Variants in CACNA1G observed in about 807,000 individuals in gnomAD.
The protein encoded by CACNA1G is voltage-dependent T-type calcium channel subunit alpha-1G.
Under a neutral mutation model 219.4 loss-of-function variants are expected in CACNA1G, and 67 were observed. The observed-to-expected ratio is 0.31, with a 90% CI of 0.25 to 0.37. The LOEUF (loss-of-function observed/expected upper bound fraction) is 0.37. Ranked by LOEUF, CACNA1G falls within the 10% of genes least tolerant of loss-of-function variation. CACNA1G has a pLI of 1.00. For synonymous variants in CACNA1G, 1,296 were observed against 1,345.3 expected, an observed-to-expected ratio of 0.96 and a Z score of 0.80; for missense variants, 2,380 against 3,231.4, an observed-to-expected ratio of 0.74 and a Z score of 6.39.
At chr17:50,611,504 A>G (rs936523310) in intron 26 of CACNA1G, among the ~76,000 whole-genome samples, 6 of 152,118 alleles carry the variant, frequency 3.9e-5, no homozygotes, top group African/African-American at 1.4e-4. Context: ...CTATGGCCCC[A>G]TGATGCTAAG....
At position 50,600,732 on chromosome 17, in the gene CACNA1G, G is replaced by A; in HGVS notation, c.3697G>A (p.Gly1233Arg). Residue 1233 changes from glycine (G) to arginine (R), a missense_variant, in exon 18 of 38, where the codon GGG (glycine) becomes AGG (arginine). By Grantham distance (125) the Gly-to-Arg change is moderately radical (BLOSUM62 -2). Coordinates refer to ENST00000359106, the MANE Select transcript of CACNA1G (RefSeq NM_018896.5). This position sits in a 1 kb window ranked among gnomAD's most constrained non-coding sequence, Gnocchi z 4.1. ...TCCAGTGTTTGTTCTGCAGAGCAAA[G>A]GGGAACGGGTCCGCGCGTGGATCCG... ...DADDEGNLSKGERVRAWIRAR... is the reference protein window; with the variant it reads ...DADDEGNLSKRERVRAWIRAR... The A allele has an allele frequency of 6.2e-7, 1 of 1,613,768 alleles. No individual in the cohort carries two copies. Among genetic ancestry groups the A allele is most frequent in the Non-Finnish European group, 8.5e-7 (1 of 1,179,756 alleles).
Position 50,621,791 on chromosome 17 carries a change from C to A in CACNA1G, c.6057C>A (p.Ser2019Arg). The part of the protein sequence containing the change: ...MHTLLLSALE[S>R]NMQPHPTELP... The stretch of plus-strand genomic sequence containing the variant: ...CACTCTTACTTAGTGCCCTGGAGAG[C>A]AATGTACATACACACTGCCCTCACT... Residue 2019 changes from serine to arginine, a missense_variant, in exon 35 of 38, where the codon AGC becomes AGA. Transcript: ENST00000359106. This position sits in a 1 kb window ranked among gnomAD's most constrained non-coding sequence, Gnocchi z 4.6. 1 of 1,613,726 alleles carries A rather than the reference C, an allele frequency of 6.2e-7. No homozygotes were observed. The highest frequency in any genetic ancestry group is 8.5e-7 in the Non-Finnish European group (1 of 1,179,870).
In CACNA1G at chr17:50,603,313, TGTCTGTG is replaced by T; in HGVS notation, c.4169+115_4169+121del. 1.1e-6 allele frequency: 1 copy of T among 884,694 alleles called. No homozygotes were observed. Among genetic ancestry groups the T allele is most frequent in the South Asian group, 1.7e-5 (1 of 60,392 alleles). 54.8% of individuals were successfully genotyped at this position (884,694 alleles called of 1,614,324 possible). On this transcript the variant is annotated intron_variant, in intron 21 of 37. Coordinates refer to ENST00000359106, the MANE Select transcript of CACNA1G (RefSeq NM_018896.5). The surrounding 1 kb of genome is among the most constrained non-coding windows in gnomAD (Gnocchi z 6.4). ...CAAAAGCCTGCACAGGCCAGCATCC[TGTCTGTG>T]ACCCCCACAGGCGATCCTGTCCCCG...
intron 16 of CACNA1G, among the ~76,000 whole-genome samples, chr17:50,598,087 G>T (rs954570720): frequency 6.6e-6 from 1 of 152,014 alleles, no homozygotes; most frequent in Non-Finnish European, 1.5e-5. Flanking sequence ...GCAGTGGCAC[G>T]ATCTCAACTC....
chr17:50,624,955 C>CTTTTTTTTTTTTTTTTTTTTTTTT (rs3986415), intron 37 of CACNA1G, among the ~76,000 whole-genome samples: 1 of 117,546 alleles, frequency 8.5e-6, no homozygotes. Flanking sequence ...AGCCCAGATT[C>CTTTTTTTTTTTTTTTTTTTTTTTT]TTTTTTTTTT....
At chr17:50,584,784 T>G (rs1598290915) in intron 9 of CACNA1G, among the ~76,000 whole-genome samples, 2 of 149,352 alleles carry the variant, frequency 1.3e-5, no homozygotes, top group East Asian at 2.0e-4. Flanking sequence ...AGGTGGGGAG[T>G]AGGGCTGGGG....
rs745698816 is a variant in CACNA1G, at chr17:50,576,039, C to T, written c.1637C>T (p.Pro546Leu). ...PPSTPALSGA[P>L]PGGAESVHSF... ...TCGACGCCTGCCCTCTCCGGGGCCC[C>T]CCCTGGTGGCGCAGAGTCTGTGCAC... The change falls in exon 8 of 38, where the codon CCC becomes CTC. Residue 546 changes from proline (P) to leucine (L), a missense_variant. Physicochemically the swap from Pro to Leu is moderately conservative, Grantham distance 98. Coordinates refer to ENST00000359106, the MANE Select transcript of CACNA1G (RefSeq NM_018896.5). 6.4e-7 allele frequency: 1 copy of T among 1,572,666 alleles called. No homozygotes were observed. Among genetic ancestry groups the T allele is most frequent in the Admixed American group, 1.8e-5 (1 of 54,452 alleles).
At chr17:50,580,456 T>G (rs1251987472) in intron 9 of CACNA1G, among the ~76,000 whole-genome samples, 5 of 152,140 alleles carry the variant, frequency 3.3e-5, no homozygotes, top group Admixed American at 6.5e-5. Context: ...CAGCAGTCCC[T>G]GCCCAGCCGA....
At position 50,626,287 on chromosome 17, in the gene CACNA1G, A is replaced by G; in HGVS notation, c.6670A>G (p.Ile2224Val). Residue 2224 changes from isoleucine to valine, a missense_variant, in exon 38 of 38, where the codon ATT becomes GTT. Ile to Val is a conservative substitution (Grantham distance 29, BLOSUM62 3). Transcript: ENST00000359106. This position sits in a 1 kb window ranked among gnomAD's most constrained non-coding sequence, Gnocchi z 4.3. ...SLELDTELSW[I>V]SGDLLPPGGQ... Reference sequence around the variant, plus strand: ...AGAGTTGGACACGGAGCTGAGCTGGATTTCAGGAGACCTCCTGCCCCCTGG... The same window carrying G: ...AGAGTTGGACACGGAGCTGAGCTGGGTTTCAGGAGACCTCCTGCCCCCTGG... 6.2e-7 allele frequency: 1 copy of G among 1,613,530 alleles called. No homozygotes were observed. Among genetic ancestry groups the G allele is most frequent in the East Asian group, 2.2e-5 (1 of 44,854 alleles).
chr17:50,603,009 C>A lies in CACNA1G; in HGVS notation c.3985-6C>A, dbSNP rs1258841674. On this transcript the variant is annotated splice_region_variant and splice_polypyrimidine_tract_variant and intron_variant, in intron 20 of 37. Transcript: ENST00000359106. This position sits in a 1 kb window ranked among gnomAD's most constrained non-coding sequence, Gnocchi z 6.4. ...GGGCGGCCGATGACGTGGCGGTGGT[C>A]CCCAGGTGGTGGCACTGGGCTGGTG... 3.1e-6 allele frequency: 5 copies of A among 1,610,562 alleles called. No homozygotes were observed. Among genetic ancestry groups the A allele is most frequent in the Middle Eastern group, 1.7e-4 (1 of 6,034 alleles).
At position 50,618,825 on chromosome 17, in the gene CACNA1G, G is replaced by A. The variant is rs773455672; in HGVS notation, c.5598G>A (p.Glu1866=). 2.0e-5 allele frequency: 32 copies of A among 1,613,780 alleles called. No homozygotes were observed. The highest frequency in any genetic ancestry group is 3.3e-5 in the Admixed American group (2 of 60,006). ...ACAAGGAGGCCAAGGAGGAGGCCGA[G>A]CTAGAGGCTGAGCTGGAGCTGGAGA... is the stretch of plus-strand genomic sequence containing the variant. The part of the protein sequence containing the change: ...ESNKEAKEEA[E]LEAELELEMK... The change falls in exon 33 of 38, where the codon GAG becomes GAA. Residue 1866 remains glutamate (E), a synonymous_variant. Coordinates refer to ENST00000359106, the MANE Select transcript of CACNA1G (RefSeq NM_018896.5). This position sits in a 1 kb window ranked among gnomAD's most constrained non-coding sequence, Gnocchi z 5.3.
At chr17:50,611,190 G>T (rs530946084) in intron 26 of CACNA1G, among the ~76,000 whole-genome samples, 37 of 151,630 alleles carry the variant, frequency 2.4e-4, no homozygotes, top group Non-Finnish European at 3.8e-4. Flanking sequence ...GGAGGCGGAG[G>T]TTGCAGTGAG....
rs759759601 is a variant in CACNA1G at position 50,599,681 on chromosome 17, C to T, written c.3512C>T (p.Ser1171Phe). The T allele has an allele frequency of 4.3e-6, 7 of 1,613,296 alleles. No homozygotes were observed. The highest frequency in any genetic ancestry group is 2.2e-5 in the East Asian group (1 of 44,864). The part of the protein sequence containing the change: ...RGSLEREAKS[S>F]FDLPDTLQVP... ...TCCCTGGAGCGGGAGGCCAAGAGTT[C>T]CTTTGACCTGCCAGACACACTGCAG... The change falls in exon 17 of 38, where the codon TCC becomes TTC. Residue 1171 changes from serine (S) to phenylalanine (F), a missense_variant. Ser to Phe is a radical substitution (Grantham distance 155, BLOSUM62 -2). Transcript: ENST00000359106.
intron 37 of CACNA1G, among the ~76,000 whole-genome samples, chr17:50,625,043 C>T (rs915085622): frequency 2.0e-5 from 3 of 151,548 alleles, no homozygotes; most frequent in African/African-American, 7.3e-5. Flanking sequence ...ACCTCCGCCT[C>T]CTGGGTTCAA....
chr17:50,578,132 A>C lies in CACNA1G; in HGVS notation c.1925-56A>C, dbSNP rs198551. Reference sequence around the variant, plus strand: ...CTCATTTTACACATACTCACAGGGCAGGGTAGCCCCAGGTACGAGACTCTG... The same window carrying C: ...CTCATTTTACACATACTCACAGGGCCGGGTAGCCCCAGGTACGAGACTCTG... On this transcript the variant is annotated intron_variant, in intron 8 of 37. Transcript: ENST00000359106. The surrounding 1 kb of genome is among the most constrained non-coding windows in gnomAD (Gnocchi z 4.5). 3 of 1,491,344 alleles carry C rather than the reference A, an allele frequency of 2.0e-6. No homozygotes were observed. Among genetic ancestry groups the C allele is most frequent in the Non-Finnish European group, 2.7e-6 (3 of 1,125,164 alleles). 92.4% of individuals were successfully genotyped at this position (1,491,344 alleles called of 1,614,324 possible).
chr17:50,589,471 C>G (rs2145417373), intron 9 of CACNA1G, among the ~76,000 whole-genome samples: 1 of 152,326 alleles, frequency 6.6e-6, no homozygotes, highest in South Asian at 2.1e-4. Flanking sequence ...GTGTTTCTAG[C>G]AGACACTGAG....
intron 26 of CACNA1G, among the ~76,000 whole-genome samples, chr17:50,614,048 G>A (rs1049380375): frequency 3.3e-5 from 5 of 152,240 alleles, no homozygotes; most frequent in African/African-American, 9.6e-5. Flanking sequence ...CCTCAAGGCC[G>A]ATGCTGGAGA....
At chr17:50,624,305 A>C (rs1023960508) in intron 36 of CACNA1G, 55 bp from the exon 37 acceptor site, 71 of 1,442,682 alleles carry the variant, frequency 4.9e-5, no homozygotes, top group African/African-American at 8.5e-5. Context: ...GCTCCCCTGA[A>C]CCCTCCAGCT....
Position 50,596,701 on chromosome 17 carries a change from T to A in CACNA1G, c.3065-29T>A, listed in dbSNP as rs2045620501. The A allele has an allele frequency of 4.3e-6, 7 of 1,612,812 alleles. No individual in the cohort carries two copies. In the East Asian group the frequency reaches 1.6e-4, roughly 36 times the overall value. On this transcript the variant is annotated intron_variant, in intron 15 of 37. Coordinates refer to ENST00000359106, the MANE Select transcript of CACNA1G (RefSeq NM_018896.5). This position sits in a 1 kb window ranked among gnomAD's most constrained non-coding sequence, Gnocchi z 4.8. The stretch of plus-strand genomic sequence containing the variant: ...GGCCCTGGGCCAGCCCTGTGTGGAC[T>A]CGGGATCTCTCCCTCTCTCCCCGTG...
Sources: gnomAD v4.1 joint callset for allele counts (sites outside exome capture counted in the v4.1 genomes callset) on GRCh38, gnomAD v4.1.1 for gene constraint, Gnocchi (gnomAD v3.1) non-coding constraint, MANE v1.5 for transcripts, NCBI Gene and HGNC (gene_info 2026-07-23, HGNC 2026-07-21) for gene names.